The following BLK variants were observed in gnomAD, a reference collection of about 807,000 sequenced individuals.
BLK encodes tyrosine-protein kinase Blk.
Under a neutral mutation model 61.8 loss-of-function variants are expected in BLK, and 64 were observed. The ratio of observed to expected loss-of-function variants is 1.03; its 90% CI spans 0.85 to 1.27. The LOEUF is 1.27. BLK is among the 50% of genes most tolerant of loss of function. The pLI is 0.00. For missense variants in BLK, 853 were observed against 660.5 expected (o/e 1.29, Z -3.19); for synonymous variants, 351 against 272.0 (o/e 1.29, Z -2.86).
intron 4 of BLK, 89 bp from the exon 5 acceptor site, chr8:11,548,935 G>GGT (rs1379196082): frequency 8.5e-7 from 1 of 1,171,000 alleles, no homozygotes; most frequent in Non-Finnish European, 1.3e-6. Flanking sequence ...GCCCTCCAGG[G>GGT]AGAGATGACT....
At chr8:11,501,285 T>C (rs528274195) in intron 1 of BLK, among the ~76,000 whole-genome samples, 1 of 152,082 alleles carries the variant, frequency 6.6e-6, no homozygotes, top group Non-Finnish European at 1.5e-5. Flanking sequence ...CACACGAAAA[T>C]AGGGTCAAAA....
chr8:11,563,074 A>T lies in BLK; in HGVS notation c.1276A>T (p.Met426Leu), dbSNP rs752671467. Residue 426 changes from methionine (M) to leucine (L), a missense_variant, in exon 12 of 13, where the codon ATG becomes TTG. Transcript: ENST00000259089. ...ADVWSFGVLL[M>L]EVVTYGRVPY... ...CGTGTGGTCGTTTGGAGTCCTCCTGATGGAAGTTGTCACTTATGGGCGGGT... is the reference window on the plus strand; with the variant it reads ...CGTGTGGTCGTTTGGAGTCCTCCTGTTGGAAGTTGTCACTTATGGGCGGGT... The T allele has an allele frequency of 1.2e-6, 2 of 1,613,878 alleles. No individual in the cohort carries two copies. Among genetic ancestry groups the T allele is most frequent in the Admixed American group, 1.7e-5 (1 of 60,020 alleles).
At chr8:11,512,930 C>A (rs967207990) in intron 1 of BLK, among the ~76,000 whole-genome samples, 9 of 152,154 alleles carry the variant, frequency 5.9e-5, no homozygotes, top group African/African-American at 2.2e-4. Flanking sequence ...GCCTCCCAGA[C>A]TGCTGGGATT....
At chr8:11,561,671 G>C (rs1269128342) in intron 11 of BLK, among the ~76,000 whole-genome samples, 1 of 152,166 alleles carries the variant, frequency 6.6e-6, no homozygotes, top group African/African-American at 2.4e-5. Flanking sequence ...TTAGGATAAG[G>C]TAGGTTTGGA....
At chr8:11,528,946 A>T (rs892260703) in intron 1 of BLK, among the ~76,000 whole-genome samples, 1 of 152,086 alleles carries the variant, frequency 6.6e-6, no homozygotes, top group Non-Finnish European at 1.5e-5. Flanking sequence ...ACTGGGGCCT[A>T]TTGGGGAGCG....
intron 1 of BLK, among the ~76,000 whole-genome samples, chr8:11,513,538 C>T (rs80338576): frequency 6.6e-6 from 1 of 152,188 alleles, no homozygotes; most frequent in Admixed American, 6.5e-5. Context: ...ATCTGCGATG[C>T]AATCATAGCC....
intron 1 of BLK, among the ~76,000 whole-genome samples, chr8:11,517,684 G>C (rs941243777): frequency 2.6e-5 from 4 of 152,198 alleles, no homozygotes; most frequent in Non-Finnish European, 4.4e-5. Flanking sequence ...CAAGGCAGGG[G>C]ACGGCTTCAG....
chr8:11,557,243 C>T (rs1456250771), intron 9 of BLK, among the ~76,000 whole-genome samples: 1 of 152,176 alleles, frequency 6.6e-6, no homozygotes, highest in Non-Finnish European at 1.5e-5. Context: ...GAATATTTTA[C>T]AAGGATGGCC....
chr8:11,523,398 A>G (rs1490638732), intron 1 of BLK, among the ~76,000 whole-genome samples: 1 of 152,118 alleles, frequency 6.6e-6, no homozygotes, highest in Non-Finnish European at 1.5e-5. Flanking sequence ...TACTAAAAAG[A>G]CAAAAATTAG....
At chr8:11,507,775 C>T (rs1481368966) in intron 1 of BLK, among the ~76,000 whole-genome samples, 1 of 152,062 alleles carries the variant, frequency 6.6e-6, no homozygotes, top group Non-Finnish European at 1.5e-5. Context: ...GAGGGGGAAC[C>T]TGAGGCCAGG....
chr8:11,560,506 C>CATTAAAAAAA, intron 10 of BLK: 1 of 262,778 alleles, frequency 3.8e-6, no homozygotes, highest in South Asian at 4.3e-5. Flanking sequence ...AGTCGCATGT[C>CATTAAAAAAA]TGAAGAGGTA....
intron 5 of BLK, 160 bp from the exon 6 acceptor site, chr8:11,549,999 G>T (rs1316490843): frequency 1.9e-5 from 13 of 702,354 alleles, no homozygotes; most frequent in Non-Finnish European, 2.6e-6. Flanking sequence ...AGAGGGCACT[G>T]ACTCCATCAC....
intron 1 of BLK, among the ~76,000 whole-genome samples, chr8:11,517,591 C>T (rs1423417571): frequency 6.6e-6 from 1 of 152,236 alleles, no homozygotes; most frequent in Non-Finnish European, 1.5e-5. Context: ...CATCTGCTTT[C>T]CCCGTGATGT....
intron 1 of BLK, among the ~76,000 whole-genome samples, chr8:11,504,144 C>T (rs764314688): frequency 3.9e-5 from 6 of 151,920 alleles, no homozygotes; most frequent in Non-Finnish European, 5.9e-5. Flanking sequence ...GCCAACATGG[C>T]GAAACTGTCT....
intron 1 of BLK, among the ~76,000 whole-genome samples, chr8:11,540,834 T>C (rs918091875): frequency 6.4e-5 from 9 of 141,466 alleles, no homozygotes; most frequent in African/African-American, 2.4e-4. Flanking sequence ...AACCCCACTG[T>C]TATGAAACCA....
rs192544223 is a variant in BLK at position 11,504,943 on chromosome 8, C to A, written c.-2+10352C>A. Among the ~76,000 whole-genome samples, 124 of 152,318 alleles carry A rather than the reference C, an allele frequency of 8.1e-4. 1 individual carries two copies. Among genetic ancestry groups the A allele is most frequent in the Admixed American group, 6.3e-3 (96 of 15,304 alleles). The stretch of plus-strand genomic sequence containing the variant: ...TACAGAGCATATGTACACACAAACA[C>A]ACATGCACAGAGACACGTACAGACA... On this transcript the variant is annotated intron_variant, in intron 1 of 12. Transcript: ENST00000259089.
intron 1 of BLK, among the ~76,000 whole-genome samples, chr8:11,498,238 G>A (rs539215549): frequency 6.6e-6 from 1 of 152,198 alleles, no homozygotes; most frequent in South Asian, 2.1e-4. Flanking sequence ...TCAAGTGCAG[G>A]AAAAGTTTGT....
intron 1 of BLK, among the ~76,000 whole-genome samples, chr8:11,514,637 C>T (rs1352402407): frequency 6.6e-6 from 1 of 152,212 alleles, no homozygotes; most frequent in Non-Finnish European, 1.5e-5. Context: ...CCTGTGATTG[C>T]ACTGCCCCCA....
chr8:11,540,389 G>A (rs1376262116), intron 1 of BLK, among the ~76,000 whole-genome samples: 9 of 152,082 alleles, frequency 5.9e-5, no homozygotes, highest in Admixed American at 1.3e-4. Context: ...GATGATTGTT[G>A]TCTACTTTTA....
Sources: gnomAD v4.1 joint callset for allele counts (sites outside exome capture counted in the v4.1 genomes callset) on GRCh38, gnomAD v4.1.1 for gene constraint, MANE v1.5 for transcripts, NCBI Gene and HGNC (gene_info 2026-07-23, HGNC 2026-07-21) for gene names.